The following WIPF2 variants were observed in gnomAD, a reference collection of about 807,000 sequenced individuals.
WIPF2 encodes the protein WAS/WASL-interacting protein family member 2.
In WIPF2, 23 loss-of-function variants were observed where a neutral mutation model predicts 38.8. The observed-to-expected ratio is 0.59, with a 90% CI of 0.43 to 0.84. The LOEUF is 0.84. WIPF2 is among the 40% of genes least tolerant of loss of function. The probability of loss-of-function intolerance (pLI) is 0.00; values close to 1 mark genes in which losing one functional copy is unlikely to be tolerated. For synonymous variants in WIPF2, 210 were observed against 223.2 expected (o/e 0.94, Z 0.53); for missense variants, 574 against 580.5 (o/e 0.99, Z 0.11).
intron 1 of WIPF2, among the ~76,000 whole-genome samples, chr17:40,247,558 T>C (rs2145337298): frequency 6.8e-6 from 1 of 147,096 alleles, no homozygotes; most frequent in East Asian, 2.0e-4. Flanking sequence ...GTCTTACTCC[T>C]TCACCCAGGC....
intron 1 of WIPF2, among the ~76,000 whole-genome samples, chr17:40,226,441 T>A (rs527471075): frequency 6.6e-6 from 1 of 151,696 alleles, no homozygotes; most frequent in Admixed American, 6.6e-5. Flanking sequence ...GGTCTCGAAC[T>A]CCTGACCTCG....
At chr17:40,276,758 C>T (rs1422450142) in intron 6 of WIPF2, among the ~76,000 whole-genome samples, 2 of 152,018 alleles carry the variant, frequency 1.3e-5, no homozygotes, top group Non-Finnish European at 1.5e-5. Context: ...ACTAAAAATA[C>T]AGAAAACTAG....
At chr17:40,271,152 T>C (rs58822685) in intron 5 of WIPF2, among the ~76,000 whole-genome samples, 19,225 of 152,052 alleles carry the variant, frequency 0.13, 1,345 homozygotes, top group East Asian at 0.3. Context: ...TGTACTTTTT[T>C]AAAATTTGAG....
chr17:40,252,083 G>T (rs1159534972), intron 1 of WIPF2, among the ~76,000 whole-genome samples: 1 of 152,122 alleles, frequency 6.6e-6, no homozygotes, highest in Non-Finnish European at 1.5e-5. Context: ...CGCCACTGAT[G>T]AATCTGTTTT....
chr17:40,245,972 T>A (rs2031348176), intron 1 of WIPF2, among the ~76,000 whole-genome samples: 1 of 152,186 alleles, frequency 6.6e-6, no homozygotes, highest in Non-Finnish European at 1.5e-5. Context: ...TGTGTTTCTT[T>A]CTTTCCTCTT....
At chr17:40,274,466 C>G (rs1039476951) in intron 6 of WIPF2, among the ~76,000 whole-genome samples, 1 of 147,596 alleles carries the variant, frequency 6.8e-6, no homozygotes, top group Non-Finnish European at 1.5e-5. Context: ...CTGTCAAACT[C>G]CTGGTCTCAA....
intron 1 of WIPF2, among the ~76,000 whole-genome samples, chr17:40,251,692 C>T (rs146780027): frequency 0.015 from 2,310 of 152,304 alleles, 30 homozygotes; most frequent in Non-Finnish European, 0.023. Flanking sequence ...CCTAACTCTG[C>T]ACTTTATTCC....
At chr17:40,258,297 G>T (rs1301451681) in intron 2 of WIPF2, among the ~76,000 whole-genome samples, 3 of 151,544 alleles carry the variant, frequency 2.0e-5, no homozygotes, top group Admixed American at 2.0e-4. Context: ...TGCTTGGGAG[G>T]CCAAGGCAGG....
At chr17:40,226,266 C>T (rs573305227) in intron 1 of WIPF2, among the ~76,000 whole-genome samples, 7 of 149,252 alleles carry the variant, frequency 4.7e-5, no homozygotes, top group African/African-American at 1.5e-4. Context: ...TGCAGTGGTG[C>T]GATCCCAGCT....
At chr17:40,265,225 G>T in intron 5 of WIPF2, 79 bp downstream of exon 5, 1 of 1,480,110 alleles carries the variant, frequency 6.8e-7, no homozygotes. Flanking sequence ...CTTGAAGACA[G>T]TAATTCGTTT....
intron 5 of WIPF2, among the ~76,000 whole-genome samples, chr17:40,265,833 A>G (rs143073229): frequency 3.8e-4 from 58 of 152,272 alleles, no homozygotes; most frequent in African/African-American, 1.4e-3. Context: ...ATTAACTCCT[A>G]TGTTGAGAAC....
intron 1 of WIPF2, among the ~76,000 whole-genome samples, chr17:40,232,179 ATTTT>A (rs752876006): frequency 4.6e-4 from 35 of 76,056 alleles, no homozygotes; most frequent in African/African-American, 2.3e-3. Context: ...TGCCTGGCTA[ATTTT>A]TTTTTTTTTT....
intron 1 of WIPF2, among the ~76,000 whole-genome samples, chr17:40,227,040 CTATT>C (rs1425646086): frequency 6.6e-6 from 1 of 151,526 alleles, no homozygotes; most frequent in Non-Finnish European, 1.5e-5. Context: ...CACGCCCAGC[CTATT>C]TATTTATTTT....
chr17:40,275,428 G>T (rs760897397), intron 6 of WIPF2, among the ~76,000 whole-genome samples: 3 of 152,060 alleles, frequency 2.0e-5, no homozygotes, highest in Admixed American at 1.3e-4. Context: ...ATGTTGGGGG[G>T]GCTCTACCTA....
intron 1 of WIPF2, among the ~76,000 whole-genome samples, chr17:40,229,003 A>G (rs763339089): frequency 6.6e-6 from 1 of 151,812 alleles, no homozygotes; most frequent in Non-Finnish European, 1.5e-5. Flanking sequence ...TCCTGGGCTC[A>G]AGTGATTCTC....
chr17:40,272,266 G>A (rs1044234278), intron 5 of WIPF2, among the ~76,000 whole-genome samples: 2 of 152,028 alleles, frequency 1.3e-5, no homozygotes, highest in African/African-American at 2.4e-5. Flanking sequence ...TGATCCTCCC[G>A]CCTCGGCCTC....
intron 2 of WIPF2, among the ~76,000 whole-genome samples, chr17:40,257,387 G>C (rs2031760290): frequency 6.6e-6 from 1 of 152,106 alleles, no homozygotes; most frequent in African/African-American, 2.4e-5. Flanking sequence ...AAGAAGGAAA[G>C]GAGTTTTTGG....
At chr17:40,244,434 C>A (rs919425189) in intron 1 of WIPF2, among the ~76,000 whole-genome samples, 1 of 152,092 alleles carries the variant, frequency 6.6e-6, no homozygotes, top group Non-Finnish European at 1.5e-5. Flanking sequence ...TTTTCAGGAG[C>A]AAAGCTGAAG....
intron 1 of WIPF2, among the ~76,000 whole-genome samples, chr17:40,230,072 T>C (rs2030675904): frequency 6.6e-6 from 1 of 152,164 alleles, no homozygotes; most frequent in African/African-American, 2.4e-5. Flanking sequence ...GCATGGTGGC[T>C]CATGCCTGTA....
Sources: allele counts gnomAD v4.1 joint callset (sites outside exome capture counted in the v4.1 genomes callset), GRCh38; gene constraint gnomAD v4.1.1; transcripts MANE v1.5; gene names NCBI Gene and HGNC (gene_info 2026-07-23, HGNC 2026-07-21).